ZNF442: variants seen among roughly 807,000 people sequenced by gnomAD.
ZNF442 encodes the protein zinc finger protein 442.
A neutral mutation model predicts 57.0 loss-of-function variants in ZNF442; 45 were observed. That is an observed-to-expected ratio of 0.79 (90% confidence interval 0.62 to 1.01). The LOEUF (loss-of-function observed/expected upper bound fraction) is 1.01, where lower values mean the gene tolerates loss of function less well. Among genes scored for constraint, ZNF442 ranks in the 50% least tolerant of loss-of-function variants. The pLI is 0.00. For missense variants in ZNF442, 690 were observed against 756.5 expected (o/e 0.91, Z 1.03); for synonymous variants, 213 against 241.8 (o/e 0.88, Z 1.10).
intron 3 of ZNF442, among the ~76,000 whole-genome samples, chr19:12,354,585 G>T (rs570291215): frequency 2.2e-4 from 33 of 151,230 alleles, no homozygotes; most frequent in South Asian, 4.2e-4. Context: ...TTTTTTGGAG[G>T]GGGGAGACAG....
In ZNF442 at chr19:12,353,659, G is replaced by GT. The variant is rs200048456; in HGVS notation, c.79-546dup. On this transcript the variant is annotated intron_variant, in intron 3 of 5. Coordinates refer to ENST00000242804, the MANE Select transcript of ZNF442 (RefSeq NM_030824.3). ...TTGGAATTTTGTTACATGCTCAGCA[G>GT]TGGGAGCATAGCTGATCAGCCAATG... Among the ~76,000 whole-genome samples, 348 of 152,296 alleles carry GT rather than the reference G, an allele frequency of 2.3e-3. 7 individuals are homozygous for GT. The South Asian group carries it at 0.033, about 14-fold the overall frequency.
chr19:12,363,689 C>T lies in ZNF442; in HGVS notation c.-40-18G>A, dbSNP rs575591794. The T allele has an allele frequency of 2.0e-6, 3 of 1,494,664 alleles. No homozygotes were observed. Among genetic ancestry groups the T allele is most frequent in the African/African-American group, 1.4e-5 (1 of 72,602 alleles). 92.6% of individuals were successfully genotyped at this position (1,494,664 alleles called of 1,614,324 possible). ...AATGGAAACTGGGGTTGGGGAAGAA[C>T]AAGGTGATTGTCCCAAGGGTTAGCT... On this transcript the variant is annotated intron_variant, in intron 2 of 5. Coordinates refer to ENST00000242804, the MANE Select transcript of ZNF442 (RefSeq NM_030824.3).
At chr19:12,373,130 G>GGAAT in the ZNF442 span, among the ~76,000 whole-genome samples, 2 of 152,290 alleles carry the variant, frequency 1.3e-5, no homozygotes, top group South Asian at 2.1e-4. Flanking sequence ...GTTATGATAA[G>GGAAT]GAATCGTCAA....
In ZNF442 at chr19:12,349,937, T is replaced by G. The variant is rs767723773; in HGVS notation, c.1648A>C (p.Arg550=). The G allele has an allele frequency of 4.3e-6, 7 of 1,614,134 alleles. No individual in the cohort carries two copies. The highest frequency in any genetic ancestry group is 3.4e-6 in the Non-Finnish European group (4 of 1,179,988). The change falls in exon 6 of 6, where the codon AGG becomes CGG. Residue 550 remains arginine (R), a synonymous_variant. Coordinates refer to ENST00000242804, the MANE Select transcript of ZNF442 (RefSeq NM_030824.3). ...GEKPYECKEC[R]KAFSWLTCLL... The stretch of plus-strand genomic sequence containing the variant: ...CAAGTGAGCCAAGAGAATGCTTTCC[T>G]GCATTCCTTACATTCATATGGCTTC...
the ZNF442 span, among the ~76,000 whole-genome samples, chr19:12,370,983 AAAAAGAAAG>A: frequency 1.8e-3 from 268 of 152,030 alleles, 1 homozygote; most frequent in Admixed American, 3.4e-3. Context: ...AAAAAAAAAA[AAAAAGAAAG>A]AAAAGAAAGA....
intron 3 of ZNF442, among the ~76,000 whole-genome samples, chr19:12,358,515 T>C (rs1391977355): frequency 6.6e-6 from 1 of 152,242 alleles, no homozygotes; most frequent in Non-Finnish European, 1.5e-5. Flanking sequence ...GGTATCTTTT[T>C]GGTGTACTGA....
intron 3 of ZNF442, among the ~76,000 whole-genome samples, chr19:12,355,759 G>C (rs1250309399): frequency 6.6e-6 from 1 of 151,822 alleles, no homozygotes; most frequent in African/African-American, 2.4e-5. Flanking sequence ...CTTGAGCCCA[G>C]CAGTTCAAGA....
intron 3 of ZNF442, among the ~76,000 whole-genome samples, chr19:12,354,505 T>C (rs1332376334): frequency 1.3e-5 from 2 of 152,158 alleles, no homozygotes; most frequent in South Asian, 2.1e-4. Context: ...GTCACAAATG[T>C]ATAAAAATGC....
upstream of ZNF442, chr19:12,365,968 C>A (rs1969525592): frequency 6.6e-6 from 1 of 152,376 alleles, no homozygotes; most frequent in Non-Finnish European, 1.5e-5. Flanking sequence ...GGACGGGGAC[C>A]CACAAGTGTG....
the ZNF442 span, among the ~76,000 whole-genome samples, chr19:12,372,932 C>T: frequency 6.6e-6 from 1 of 152,240 alleles, no homozygotes; most frequent in East Asian, 1.9e-4. Flanking sequence ...TGCCACCATG[C>T]CCAGCTAATT....
the ZNF442 span, among the ~76,000 whole-genome samples, chr19:12,372,660 G>C: frequency 6.6e-6 from 1 of 152,144 alleles, no homozygotes; most frequent in Admixed American, 6.5e-5. Context: ...GGAATCCATA[G>C]TCCAGATCCA....
chr19:12,354,390 G>C (rs1969291393), intron 3 of ZNF442, among the ~76,000 whole-genome samples: 1 of 152,174 alleles, frequency 6.6e-6, no homozygotes, highest in African/African-American at 2.4e-5. Flanking sequence ...CATGTTCTTA[G>C]AAAGAACTCA....
the ZNF442 span, among the ~76,000 whole-genome samples, chr19:12,373,018 C>T: frequency 2.4e-4 from 37 of 152,238 alleles, no homozygotes; most frequent in South Asian, 2.1e-4. Flanking sequence ...GTGATCTGCC[C>T]GCCTTGGCCT....
At position 12,349,409 on chromosome 19, in the gene ZNF442, C is replaced by CA. The variant is rs1196850013; in HGVS notation, c.*291dup. The CA allele has an allele frequency of 8.6e-6, 2 of 232,610 alleles. No individual in the cohort carries two copies. Among genetic ancestry groups the CA allele is most frequent in the Non-Finnish European group, 1.7e-5 (2 of 120,718 alleles). 14.4% of individuals were successfully genotyped at this position (232,610 alleles called of 1,614,324 possible). A position where few individuals can be genotyped will look rare whatever the true frequency, so the allele number is the denominator to read the frequency against. On this transcript the variant is annotated 3_prime_UTR_variant, in exon 6 of 6. Coordinates refer to ENST00000242804, the MANE Select transcript of ZNF442 (RefSeq NM_030824.3). ...AACCTACTTTTTATTTTTACTTTTA[C>CA]AAAAGCTTTGGGTTGGTGAAAAATT...
upstream of ZNF442, among the ~76,000 whole-genome samples, chr19:12,368,228 G>A (rs559555122): frequency 2.0e-5 from 3 of 152,124 alleles, no homozygotes; most frequent in Admixed American, 6.5e-5. Context: ...CAATCATCAC[G>A]GGGTCCTGAG....
In ZNF442 at chr19:12,347,929, A is replaced by G. The variant is rs1335275735; in HGVS notation, c.*1772T>C. ...TCGAAGATATACTGAAATTCTCTGC[A>G]GATAATGATGATAATGATGATGCAG... is the stretch of plus-strand genomic sequence containing the variant. On this transcript the variant is annotated 3_prime_UTR_variant, in exon 6 of 6. Transcript: ENST00000242804. 3 of 152,240 alleles carry G rather than the reference A, an allele frequency of 2.0e-5. No individual in the cohort carries two copies. Among genetic ancestry groups the G allele is most frequent in the African/African-American group, 4.8e-5 (2 of 41,462 alleles). The allele number at this position is 152,240 out of a possible 1,614,324, so 9.4% of individuals were successfully genotyped here.
the ZNF442 span, among the ~76,000 whole-genome samples, chr19:12,372,493 A>G: frequency 6.6e-6 from 1 of 152,128 alleles, no homozygotes. Context: ...AATACACTTC[A>G]ATCAATGCAA....
chr19:12,370,972 C>CA, the ZNF442 span, among the ~76,000 whole-genome samples: 1,426 of 65,774 alleles, frequency 0.022, 11 homozygotes, highest in East Asian at 0.044. Flanking sequence ...GACCCCATCT[C>CA]AAAAAAAAAA....
upstream of ZNF442, among the ~76,000 whole-genome samples, chr19:12,367,228 T>C (rs1969542879): frequency 6.6e-6 from 1 of 152,148 alleles, no homozygotes; most frequent in South Asian, 2.1e-4. Context: ...CAGCTGGGCC[T>C]CCAGGGGTGA....
Sources: gnomAD v4.1 joint callset for allele counts (sites outside exome capture counted in the v4.1 genomes callset) on GRCh38, gnomAD v4.1.1 for gene constraint, MANE v1.5 for transcripts, NCBI Gene and HGNC (gene_info 2026-07-23, HGNC 2026-07-21) for gene names.